Variants in CUL4B observed in about 807,000 individuals in gnomAD.
CUL4B encodes the protein cullin 4B.
In CUL4B, 1 loss-of-function variant was observed where a neutral mutation model predicts 69.2. That is an observed-to-expected ratio of 0.01 (90% CI 0.01 to 0.07). CUL4B has a LOEUF of 0.07. CUL4B is among the 10% of genes least tolerant of loss of function. CUL4B has a pLI of 1.00. For synonymous variants in CUL4B, 237 were observed against 223.2 expected (o/e 1.06, Z -0.55); for missense variants, 328 against 638.8 (o/e 0.51, Z 5.24).
chrX:120,572,821 T>C (rs965701089), intron 2 of CUL4B, among the ~76,000 whole-genome samples: 5 of 111,803 alleles, frequency 4.5e-5, no homozygotes, highest in African/African-American at 1.6e-4. Context: ...CTTAAAAAAA[T>C]CTAATTATCA....
chrX:120,535,692 G>C, intron 16 of CUL4B, 138 bp downstream of exon 16: 1 of 391,560 alleles, frequency 2.6e-6, no homozygotes, highest in Non-Finnish European at 4.2e-6. Context: ...GTGACAGAGT[G>C]AGACTCTGTC....
At chrX:120,541,190 T>G (rs1456999756) in intron 10 of CUL4B, among the ~76,000 whole-genome samples, 1 of 112,497 alleles carries the variant, frequency 8.9e-6, no homozygotes, top group Non-Finnish European at 1.9e-5. Context: ...TAAACAAATT[T>G]AAAATTCCCT....
At chrX:120,574,400 C>CGG in intron 2 of CUL4B, 1 of 474,383 alleles carries the variant, frequency 2.1e-6, no homozygotes. Context: ...TTAGTAGAGA[C>CGG]GGGGTTTCAC....
At chrX:120,564,994 A>G (rs1046194167), upstream of CUL4B, among the ~76,000 whole-genome samples, 2 of 112,789 alleles carry the variant, frequency 1.8e-5, no homozygotes, top group Admixed American at 9.3e-5. Context: ...TTATAAAGGT[A>G]AGTATATGTG....
chrX:120,530,023 T>C (rs1247857440), intron 19 of CUL4B, 79 bp downstream of exon 19: 1 of 1,030,687 alleles, frequency 9.7e-7, no homozygotes, highest in African/African-American at 1.9e-5. Context: ...GCTTTATGTT[T>C]GCAAGATTTG....
intron 2 of CUL4B, among the ~76,000 whole-genome samples, chrX:120,549,566 AAGAGCAGAGC>A (rs889000627): frequency 1.8e-5 from 2 of 111,039 alleles, no homozygotes; most frequent in South Asian, 3.8e-4. Flanking sequence ...AAAAGAAGAG[AAGAGCAGAGC>A]AGAGCAGAGC....
At chrX:120,539,163 C>A in intron 12 of CUL4B, 105 bp downstream of exon 12, 1 of 496,477 alleles carries the variant, frequency 2.0e-6, no homozygotes, top group Non-Finnish European at 3.3e-6. Flanking sequence ...AATTTTAAAT[C>A]TGTAATTTCC....
At chrX:120,528,992 C>A (rs755721842) in intron 19 of CUL4B, among the ~76,000 whole-genome samples, 1 of 111,533 alleles carries the variant, frequency 9.0e-6, no homozygotes, top group Non-Finnish European at 1.9e-5. Context: ...ACCACTTGTT[C>A]AAGAGGGGAA....
In CUL4B at chrX:120,543,779, G is replaced by A. The variant is rs1260356990; in HGVS notation, c.1204C>T (p.Arg402Cys). Residue 402 changes from arginine (R) to cysteine (C), a missense_variant, in exon 8 of 20, where the codon CGT (arginine) becomes TGT (cysteine). By Grantham distance (180) the Arg-to-Cys change is radical. Transcript: ENST00000371322. ...VPEYLHHVNK[R>C]LEEEADRLIT... The stretch of plus-strand genomic sequence containing the variant: ...AGTCTGTCTGCTTCTTCTTCTAGAC[G>A]TTTGTTAACATGATGTAGATATTCA... The A allele has an allele frequency of 5.8e-6, 7 of 1,200,328 alleles. No individual in the cohort carries two copies. The highest frequency in any genetic ancestry group is 2.3e-4 in the Middle Eastern group (1 of 4,307).
intron 17 of CUL4B, among the ~76,000 whole-genome samples, chrX:120,533,101 C>G (rs1381952252): frequency 8.9e-6 from 1 of 112,450 alleles, no homozygotes; most frequent in Non-Finnish European, 1.9e-5. Flanking sequence ...GGTGATACCA[C>G]TAACCTTCTC....
At chrX:120,535,535 T>A (rs1278018928) in intron 16 of CUL4B, among the ~76,000 whole-genome samples, 1 of 107,918 alleles carries the variant, frequency 9.3e-6, no homozygotes, top group Non-Finnish European at 1.9e-5. Context: ...AAACCCCGTC[T>A]CCACTAAAAA....
chrX:120,546,654 A>G (rs775875743), intron 3 of CUL4B, 38 bp from the exon 4 acceptor site: 12 of 998,680 alleles, frequency 1.2e-5, no homozygotes, highest in Non-Finnish European at 1.7e-5. Context: ...AGCGTTTGGT[A>G]CAAGTCATAT....
Position 120,560,580 on chromosome X carries a change from ACCT to A in CUL4B, c.56_58del (p.Glu19del). On this transcript the variant is annotated inframe_deletion, in exon 1 of 20. Coordinates refer to ENST00000371322, the MANE Select transcript of CUL4B (RefSeq NM_001079872.2). Reference sequence around the variant, plus strand: ...GGTATTACCATCAGTGGCAGATCTGACCTCCTGAGCAGCAGCAGCAGCTGAGGG... The same window carrying A: ...GGTATTACCATCAGTGGCAGATCTGACCTGAGCAGCAGCAGCAGCTGAGGG... 3 of 1,208,057 alleles carry A rather than the reference ACCT, an allele frequency of 2.5e-6. No individual in the cohort carries two copies. The highest frequency in any genetic ancestry group is 3.4e-6 in the Non-Finnish European group (3 of 894,525).
chrX:120,538,072 G>C lies in CUL4B; in HGVS notation c.1938+52C>G, dbSNP rs370421802. The C allele has an allele frequency of 6.4e-5, 54 of 837,442 alleles. No individual in the cohort carries two copies. In the African/African-American group the frequency reaches 9.2e-4, roughly 14 times the overall value. 69.0% of individuals were successfully genotyped at this position (837,442 alleles called of 1,213,427 possible). ...TCTTTAGTACAAATCATAGCAAGCA[G>C]ATAACTAAATACAACTAAGTTTGAG... On this transcript the variant is annotated intron_variant, in intron 14 of 19. Transcript: ENST00000371322.
intron 14 of CUL4B, 112 bp from the exon 15 acceptor site, chrX:120,537,146 C>T: frequency 1.8e-6 from 1 of 569,156 alleles, no homozygotes; most frequent in Non-Finnish European, 3.0e-6. Context: ...CACTGACCAT[C>T]CTTAAAATAA....
rs60058698 is a variant in CUL4B, at chrX:120,543,495, AAC to A, written c.1256+230_1256+231del. Among the ~76,000 whole-genome samples, 470 of 98,041 alleles carry A rather than the reference AAC, an allele frequency of 4.8e-3. 1 individual carries two copies. The highest frequency in any genetic ancestry group is 0.014 in the African/African-American group (364 of 26,587). 85.1% of individuals were successfully genotyped at this position (98,041 alleles called of 115,157 possible). ...AGTATTATTTCTAAATTACCTTCTAAACACACACACACACACACACACACACA... is the reference window on the plus strand; with the variant it reads ...AGTATTATTTCTAAATTACCTTCTAAACACACACACACACACACACACACA... On this transcript the variant is annotated intron_variant, in intron 8 of 19. Coordinates refer to ENST00000371322, the MANE Select transcript of CUL4B (RefSeq NM_001079872.2).
At position 120,527,868 on chromosome X, in the gene CUL4B, G is replaced by A. The variant is rs747903258; in HGVS notation, c.2593-1012C>T. On this transcript the variant is annotated intron_variant, in intron 19 of 19. Transcript: ENST00000371322. Reference sequence around the variant, plus strand: ...ACATACATTAAACTGTCACATCCTTGTCATATTGTTACGGAATACTTTCTA... The same window carrying A: ...ACATACATTAAACTGTCACATCCTTATCATATTGTTACGGAATACTTTCTA... Among the ~76,000 whole-genome samples, 30 of 111,884 alleles carry A rather than the reference G, an allele frequency of 2.7e-4. No homozygotes were observed. The South Asian group carries it at 0.01, about 39-fold the overall frequency.
chrX:120,527,401 T>C (rs1165892153), intron 19 of CUL4B, among the ~76,000 whole-genome samples: 1 of 109,429 alleles, frequency 9.1e-6, no homozygotes, highest in Non-Finnish European at 1.9e-5. Context: ...TGATTTTTGA[T>C]TTTTTTTTGG....
At chrX:120,538,247 TG>T in intron 13 of CUL4B, 38 bp from the exon 14 acceptor site, 1 of 935,760 alleles carries the variant, frequency 1.1e-6, no homozygotes, top group Non-Finnish European at 1.5e-6. Context: ...TATTTTAAAG[TG>T]GTAAAAACAA....
Sources: allele counts gnomAD v4.1 joint callset (sites outside exome capture counted in the v4.1 genomes callset), GRCh38; gene constraint gnomAD v4.1.1; transcripts MANE v1.5; gene names NCBI Gene and HGNC (gene_info 2026-07-23, HGNC 2026-07-21).